SCN11A: variants seen among roughly 807,000 people sequenced by gnomAD.
SCN11A encodes the protein sodium voltage-gated channel alpha subunit 11, also known as sodium channel protein type 11 subunit alpha.
A neutral mutation model predicts 162.2 loss-of-function variants in SCN11A; 122 were observed. The observed-to-expected ratio is 0.75, with a 90% CI of 0.65 to 0.87. The LOEUF (loss-of-function observed/expected upper bound fraction) is 0.87, where lower values mean the gene tolerates loss of function less well. SCN11A is among the 40% of genes least tolerant of loss of function. The probability of loss-of-function intolerance (pLI) is 0.00; values close to 1 mark genes in which losing one functional copy is unlikely to be tolerated. For synonymous variants in SCN11A, 758 were observed against 751.5 expected (o/e 1.01, Z -0.14); for missense variants, 2,015 against 2,181.6 (o/e 0.92, Z 1.52).
At chr3:39,008,641 C>G (rs985675784) in intron 2 of SCN11A, among the ~76,000 whole-genome samples, 2 of 152,206 alleles carry the variant, frequency 1.3e-5, no homozygotes, top group Non-Finnish European at 2.9e-5. Context: ...GTAATCCCAG[C>G]ACTTTGAGAG....
At chr3:38,853,283 C>T (rs544754075) in intron 28 of SCN11A, among the ~76,000 whole-genome samples, 1 of 151,914 alleles carries the variant, frequency 6.6e-6, no homozygotes, top group South Asian at 2.1e-4. Context: ...GTATAGCATG[C>T]ATATGTAAAC....
At chr3:38,863,672 A>G (rs2065000032) in intron 27 of SCN11A, among the ~76,000 whole-genome samples, 1 of 152,130 alleles carries the variant, frequency 6.6e-6, no homozygotes, top group African/African-American at 2.4e-5. Context: ...ATAAAGGGCA[A>G]TTGAATTTCT....
At position 38,987,278 on chromosome 3, in the gene SCN11A, T is replaced by TTC. The variant is rs10546388; in HGVS notation, c.-279-26857_-279-26856dup. ...TCCCTTTCTCTCCCTCCCAGTGCCT[T>TTC]TCTCTCTCTCTCTCTCTCTCTCTCT... is the stretch of plus-strand genomic sequence containing the variant. On this transcript the variant is annotated intron_variant, in intron 2 of 29. Transcript: ENST00000302328. 3.0e-3 allele frequency among the ~76,000 whole-genome samples: 353 copies of TTC among 119,188 alleles called. 1 individual carries two copies. Among genetic ancestry groups the TTC allele is most frequent in the Middle Eastern group, 0.013 (3 of 226 alleles). The allele number at this position is 119,188 out of a possible 152,430, so 78.2% of individuals were successfully genotyped here. A position where few individuals can be genotyped will look rare whatever the true frequency, so the allele number is the denominator to read the frequency against.
At chr3:38,924,751 T>G (rs1442453913) in intron 9 of SCN11A, among the ~76,000 whole-genome samples, 1 of 151,956 alleles carries the variant, frequency 6.6e-6, no homozygotes, top group African/African-American at 2.4e-5. Context: ...TCAAGTTATC[T>G]CCCCACCTTG....
chr3:38,914,420 C>T lies in SCN11A; in HGVS notation c.960-4213G>A, dbSNP rs112205827. Among the ~76,000 whole-genome samples the T allele has an allele frequency of 3.4e-3, 510 of 152,226 alleles. 4 individuals carry two copies. The highest frequency in any genetic ancestry group is 0.01 in the Middle Eastern group (3 of 294). On this transcript the variant is annotated intron_variant, in intron 11 of 29. Coordinates refer to ENST00000302328, the MANE Select transcript of SCN11A (RefSeq NM_001349253.2). The stretch of plus-strand genomic sequence containing the variant: ...TTATGGGGTTTTCTAGATATAGATT[C>T]ATGTTATCTGCAAACAGGAATAGTT...
intron 1 of SCN11A, among the ~76,000 whole-genome samples, chr3:39,038,226 A>T (rs913916786): frequency 1.4e-4 from 22 of 152,160 alleles, no homozygotes; most frequent in African/African-American, 5.1e-4. Flanking sequence ...GGAATTCAGG[A>T]GCAGTTTAGG....
At position 38,950,153 on chromosome 3, in the gene SCN11A, A is replaced by T. The variant is rs2066588068; in HGVS notation, c.210T>A (p.Pro70=). The T allele has an allele frequency of 2.5e-6, 4 of 1,605,764 alleles. No homozygotes were observed. The highest frequency in any genetic ancestry group is 2.2e-5 in the East Asian group (1 of 44,470). The change falls in exon 5 of 30, where the codon CCT becomes CCA. Residue 70 remains proline (P), a synonymous_variant. Transcript: ENST00000302328. ...CCAGAGGCTTTCCTATGAGCTCACGAGGAATGTCGCCATAGAGCTTGGGCA... is the reference window on the plus strand; with the variant it reads ...CCAGAGGCTTTCCTATGAGCTCACGTGGAATGTCGCCATAGAGCTTGGGCA... ...RKLPKLYGDI[P]RELIGKPLED...
chr3:38,879,184 C>T (rs911494614), intron 23 of SCN11A, among the ~76,000 whole-genome samples: 4 of 152,144 alleles, frequency 2.6e-5, no homozygotes, highest in African/African-American at 9.7e-5. Context: ...CTTAGCCTCT[C>T]TATGACTTAC....
intron 2 of SCN11A, among the ~76,000 whole-genome samples, chr3:39,001,990 T>A (rs2030829063): frequency 6.6e-6 from 1 of 151,892 alleles, no homozygotes; most frequent in Admixed American, 6.6e-5. Context: ...TGAGCCTAGA[T>A]GACGCCACTG....
In SCN11A at chr3:38,969,563, G is replaced by A. The variant is rs2066804102; in HGVS notation, c.-279-9140C>T. 2.0e-5 allele frequency among the ~76,000 whole-genome samples: 3 copies of A among 152,304 alleles called. No homozygotes were observed. In the South Asian group the frequency reaches 6.2e-4, roughly 32 times the overall value. On this transcript the variant is annotated intron_variant, in intron 2 of 29. Coordinates refer to ENST00000302328, the MANE Select transcript of SCN11A (RefSeq NM_001349253.2). ...TGAAGCTGCCATCCTTGACCCTGTG[G>A]TCTAGGGGCTGCAGTTTAGTGTTCT...
At position 38,900,030 on chromosome 3, in the gene SCN11A, A is replaced by G. The variant is rs766835518; in HGVS notation, c.1886T>C (p.Ile629Thr). 1 of 1,614,168 alleles carries G rather than the reference A, an allele frequency of 6.2e-7. No individual in the cohort carries two copies. The change falls in exon 17 of 30, where the codon ATT (isoleucine) becomes ACT (threonine). Residue 629 changes from isoleucine (I) to threonine (T), a missense_variant. Physicochemically the swap from Ile to Thr is moderately conservative, Grantham distance 89. Transcript: ENST00000302328. ...IFIAEMCLKI[I>T]ALDPYHYFRR... The stretch of plus-strand genomic sequence containing the variant: ...AAAGTAGTGGTAGGGATCGAGCGCA[A>G]TGATTTTTAGGCACATTTCTGCTAT...
chr3:38,957,142 T>C (rs772943840), intron 3 of SCN11A, among the ~76,000 whole-genome samples: 6 of 151,866 alleles, frequency 4.0e-5, no homozygotes, highest in East Asian at 1.9e-4. Flanking sequence ...ATTTTGTCAA[T>C]TGAAAATTAA....
rs771241253 is a variant in SCN11A at position 38,850,579 on chromosome 3, G to A, written c.4229C>T (p.Thr1410Met). 1.3e-5 allele frequency: 21 copies of A among 1,613,844 alleles called. No homozygotes were observed. Among genetic ancestry groups the A allele is most frequent in the East Asian group, 6.7e-5 (3 of 44,862 alleles). The change falls in exon 29 of 30, where the codon ACG becomes ATG. Residue 1410 changes from threonine to methionine, a missense_variant. Physicochemically the swap from Thr to Met is moderately conservative, Grantham distance 81 (BLOSUM62 -1). Transcript: ENST00000302328. ...HLNWVFVVIF[T>M]LECLIKIFAL... Reference sequence around the variant, plus strand: ...AAAGATTTTGATGAGACATTCTAACGTAAAGATGACCACAAAGACCCAGTT... The same window carrying A: ...AAAGATTTTGATGAGACATTCTAACATAAAGATGACCACAAAGACCCAGTT...
At position 38,883,403 on chromosome 3, in the gene SCN11A, G is replaced by C. The variant is rs1423078220; in HGVS notation, c.3065-16C>G. ...CAACCAAAGCCTGAAAGGAATTAAT[G>C]GTAGCACTATCATTAGTGTCTGTAA... On this transcript the variant is annotated splice_polypyrimidine_tract_variant and intron_variant, in intron 21 of 29. Coordinates refer to ENST00000302328, the MANE Select transcript of SCN11A (RefSeq NM_001349253.2). 6.2e-7 allele frequency: 1 copy of C among 1,609,198 alleles called. No individual in the cohort carries two copies. Among genetic ancestry groups the C allele is most frequent in the South Asian group, 1.1e-5 (1 of 90,158 alleles).
At chr3:38,877,979 C>T (rs976886313) in intron 23 of SCN11A, among the ~76,000 whole-genome samples, 1 of 151,328 alleles carries the variant, frequency 6.6e-6, no homozygotes, top group African/African-American at 2.4e-5. Context: ...GCTAAGAGGA[C>T]ACAAAGTTGT....
chr3:38,970,919 C>G (rs780267882), intron 2 of SCN11A, among the ~76,000 whole-genome samples: 1 of 152,156 alleles, frequency 6.6e-6, no homozygotes, highest in Non-Finnish European at 1.5e-5. Context: ...TCTCCCAATC[C>G]CTAGACCCAT....
At chr3:38,993,126 C>T (rs777468284) in intron 2 of SCN11A, among the ~76,000 whole-genome samples, 2 of 152,162 alleles carry the variant, frequency 1.3e-5, no homozygotes, top group Non-Finnish European at 2.9e-5. Flanking sequence ...TACCTGTGAC[C>T]GTGATTGTTT....
intron 19 of SCN11A, among the ~76,000 whole-genome samples, chr3:38,892,398 A>G (rs770639906): frequency 2.0e-5 from 3 of 152,178 alleles, no homozygotes; most frequent in Non-Finnish European, 4.4e-5. Flanking sequence ...AATTGTGTAA[A>G]ACAATATGTT....
chr3:38,932,602 C>T lies in SCN11A; in HGVS notation c.489-5671G>A, dbSNP rs540586150. On this transcript the variant is annotated intron_variant, in intron 7 of 29. Transcript: ENST00000302328. The stretch of plus-strand genomic sequence containing the variant: ...CCTGGCTCGGAGGGTCCTACACCCA[C>T]GGAGTCTCGCTGATTGCTAGCACAG... Among the ~76,000 whole-genome samples the T allele has an allele frequency of 5.3e-3, 807 of 152,310 alleles. 8 individuals are homozygous for T. The highest frequency in any genetic ancestry group is 0.018 in the African/African-American group (744 of 41,552).
Sources: gnomAD v4.1 joint callset for allele counts (sites outside exome capture counted in the v4.1 genomes callset) on GRCh38, gnomAD v4.1.1 for gene constraint, MANE v1.5 for transcripts, NCBI Gene and HGNC (gene_info 2026-07-23, HGNC 2026-07-21) for gene names.